The following CDC42BPA variants were observed in gnomAD, a reference collection of about 807,000 sequenced individuals.
CDC42BPA encodes CDC42 binding protein kinase alpha.
CDC42BPA carries 80 observed loss-of-function variants against 223.5 expected under a neutral mutation model. The observed-to-expected ratio is 0.36, with a 90% CI of 0.30 to 0.43. CDC42BPA has a LOEUF of 0.43. CDC42BPA is among the 20% of genes least tolerant of loss of function. The pLI is 1.00. For missense variants in CDC42BPA, 1,743 were observed against 2,099.9 expected (o/e 0.83, Z 3.32); for synonymous variants, 694 against 718.6 (o/e 0.97, Z 0.55).
chr1:227,302,129 G>A lies in CDC42BPA; in HGVS notation c.178+14876C>T, dbSNP rs190913642. Among the ~76,000 whole-genome samples, 555 of 152,188 alleles carry A rather than the reference G, an allele frequency of 3.6e-3. 1 individual carries two copies. The highest frequency in any genetic ancestry group is 5.9e-3 in the Non-Finnish European group (398 of 67,984). On this transcript the variant is annotated intron_variant, in intron 1 of 36. Coordinates refer to ENST00000366766, the MANE Select transcript of CDC42BPA (RefSeq NM_001394014.1). ...GTATTCTCCCTTCATTACAGTCTTA[G>A]GAAATCCTTTCTACTCTCTCCTGCA...
In CDC42BPA at chr1:226,994,958, G is replaced by A. The variant is rs147810081; in HGVS notation, c.4998C>T (p.Ser1666=). 1.1e-3 allele frequency: 1,854 copies of A among 1,613,944 alleles called. 27 individuals carry two copies. In the African/African-American group the frequency reaches 0.022, roughly 19 times the overall value. ...LSARSSAQNG[S]ALKREFSGGS... The stretch of plus-strand genomic sequence containing the variant: ...CTCCAGAGAATTCCCTCTTTAATGC[G>A]CTGCCATTCTGTGCGGATGACCCTA... Residue 1666 remains serine (S), a synonymous_variant, in exon 36 of 37, where the codon AGC becomes AGT. Coordinates refer to ENST00000366766, the MANE Select transcript of CDC42BPA (RefSeq NM_001394014.1). The surrounding 1 kb of genome is among the most constrained non-coding windows in gnomAD (Gnocchi z 4.0).
chr1:227,055,358 A>T (rs994035797), intron 21 of CDC42BPA, among the ~76,000 whole-genome samples: 4 of 152,148 alleles, frequency 2.6e-5, no homozygotes, highest in Non-Finnish European at 5.9e-5. Context: ...TCAGGAAGTT[A>T]CTAATTTTAA....
chr1:227,213,936 C>CA (rs1674390331), intron 2 of CDC42BPA, among the ~76,000 whole-genome samples: 1 of 152,100 alleles, frequency 6.6e-6, no homozygotes, highest in Non-Finnish European at 1.5e-5. Context: ...TCACTCTCAA[C>CA]AAATTGATTA....
chr1:227,292,846 A>C (rs569026676), intron 1 of CDC42BPA, among the ~76,000 whole-genome samples: 16 of 152,194 alleles, frequency 1.1e-4, no homozygotes, highest in Admixed American at 2.0e-4. Context: ...CCTTTGGCCC[A>C]TATTTCTCTC....
At chr1:227,049,679 T>C (rs1673139043) in intron 22 of CDC42BPA, among the ~76,000 whole-genome samples, 1 of 152,152 alleles carries the variant, frequency 6.6e-6, no homozygotes, top group Non-Finnish European at 1.5e-5. Context: ...TAAGACAATT[T>C]ACTGCCAATG....
At chr1:227,006,529 A>G (rs1249390042) in intron 34 of CDC42BPA, among the ~76,000 whole-genome samples, 1 of 152,184 alleles carries the variant, frequency 6.6e-6, no homozygotes, top group Non-Finnish European at 1.5e-5. Flanking sequence ...CACTAGCAAA[A>G]AGCAAGCATG....
At chr1:227,139,507 T>C (rs1405121434) in intron 10 of CDC42BPA, 69 bp downstream of exon 10, 3 of 1,049,344 alleles carry the variant, frequency 2.9e-6, no homozygotes, top group African/African-American at 3.3e-5. Context: ...AAACAACCAC[T>C]TATAATAAAC....
Position 227,146,576 on chromosome 1 carries a change from C to G in CDC42BPA, c.894+783G>C, listed in dbSNP as rs558801244. Among the ~76,000 whole-genome samples the G allele has an allele frequency of 5.3e-5, 8 of 152,212 alleles. No homozygotes were observed. The South Asian group carries it at 6.2e-4, about 12-fold the overall frequency. On this transcript the variant is annotated intron_variant, in intron 7 of 36. Transcript: ENST00000366766. ...ATATTCATATTCTAAGTATTTGCAA[C>G]TGCTCACAATCTTCTAAGACTGCTA...
intron 14 of CDC42BPA, among the ~76,000 whole-genome samples, chr1:227,110,409 T>G (rs1686721442): frequency 6.6e-6 from 1 of 152,138 alleles, no homozygotes; most frequent in Admixed American, 6.5e-5. Flanking sequence ...AGAGATGTGT[T>G]TGGCAAGTAG....
At chr1:227,074,198 T>TTTGTTATATAA in intron 18 of CDC42BPA, 61 bp downstream of exon 18, 1 of 1,397,386 alleles carries the variant, frequency 7.2e-7, no homozygotes, top group Non-Finnish European at 1.0e-6. Context: ...TTTATTATAG[T>TTTGTTATATAA]GTTTTTTAAA....
intron 1 of CDC42BPA, among the ~76,000 whole-genome samples, chr1:227,297,940 ATG>A (rs151032239): frequency 0.03 from 2,624 of 87,226 alleles, 112 homozygotes; most frequent in African/African-American, 0.087. Context: ...ATTTTGTTTT[ATG>A]TGTGTGTGTG....
chr1:227,130,287 C>T (rs542944765), intron 10 of CDC42BPA, among the ~76,000 whole-genome samples: 5 of 151,416 alleles, frequency 3.3e-5, no homozygotes, highest in East Asian at 1.9e-4. Flanking sequence ...TGCATATGTA[C>T]GTGTGTGTGT....
At chr1:227,187,951 TCAGA>T (rs1044405829) in intron 5 of CDC42BPA, among the ~76,000 whole-genome samples, 5 of 151,888 alleles carry the variant, frequency 3.3e-5, no homozygotes, top group African/African-American at 9.7e-5. Context: ...AAATACATTC[TCAGA>T]CAAACAAAAA....
At chr1:227,263,242 A>G (rs1684402554) in intron 1 of CDC42BPA, among the ~76,000 whole-genome samples, 1 of 152,212 alleles carries the variant, frequency 6.6e-6, no homozygotes, top group Non-Finnish European at 1.5e-5. Flanking sequence ...AAACAAACAA[A>G]CAAACAAAAA....
intron 1 of CDC42BPA, among the ~76,000 whole-genome samples, chr1:227,303,859 G>A (rs1043580555): frequency 4.6e-5 from 7 of 152,120 alleles, no homozygotes; most frequent in African/African-American, 1.4e-4. Context: ...AATTGCAGAA[G>A]GAAATGAAGT....
intron 34 of CDC42BPA, among the ~76,000 whole-genome samples, chr1:227,005,591 C>A (rs969136166): frequency 1.6e-4 from 24 of 152,164 alleles, no homozygotes; most frequent in African/African-American, 5.8e-4. Context: ...GTTCACACCC[C>A]AGTCACCAGG....
At chr1:227,215,070 G>A (rs1674594183) in intron 2 of CDC42BPA, among the ~76,000 whole-genome samples, 1 of 152,182 alleles carries the variant, frequency 6.6e-6, no homozygotes, top group Admixed American at 6.5e-5. Flanking sequence ...GAAGAAACGT[G>A]AATGTATCTG....
chr1:227,084,631 T>C (rs1553330830), intron 16 of CDC42BPA, among the ~76,000 whole-genome samples: 1 of 152,180 alleles, frequency 6.6e-6, no homozygotes, highest in Non-Finnish European at 1.5e-5. Flanking sequence ...TGCTATTTAT[T>C]ACCACTCCTT....
Position 227,077,769 on chromosome 1 carries a change from AC to A in CDC42BPA, c.2480+3123del, listed in dbSNP as rs565010526. On this transcript the variant is annotated intron_variant, in intron 17 of 36. Transcript: ENST00000366766. Reference sequence around the variant, plus strand: ...TGTATCATCTTCCCCAAGGGTGGTTACCCCTCTTAACTTTCCTACTTCAATG... The same window carrying A: ...TGTATCATCTTCCCCAAGGGTGGTTACCCTCTTAACTTTCCTACTTCAATG... Among the ~76,000 whole-genome samples the A allele has an allele frequency of 3.7e-3, 562 of 152,252 alleles. 13 individuals are homozygous for A. The highest frequency in any genetic ancestry group is 0.033 in the Admixed American group (506 of 15,294).
Sources: allele counts gnomAD v4.1 joint callset (sites outside exome capture counted in the v4.1 genomes callset), GRCh38; gene constraint gnomAD v4.1.1; non-coding constraint Gnocchi (gnomAD v3.1); transcripts MANE v1.5; gene names NCBI Gene and HGNC (gene_info 2026-07-23, HGNC 2026-07-21).